The following BLM variants were observed in gnomAD, a reference collection of about 807,000 sequenced individuals.
The protein encoded by BLM is recQ-like DNA helicase BLM.
In BLM, 95 loss-of-function variants were observed where a neutral mutation model predicts 135.3. The observed-to-expected ratio is 0.70, with a 90% CI of 0.59 to 0.83. The LOEUF (loss-of-function observed/expected upper bound fraction) is 0.83, where lower values mean the gene tolerates loss of function less well. Ranked by LOEUF, BLM falls within the 40% of genes least tolerant of loss-of-function variation. The pLI, the probability that BLM is intolerant of heterozygous loss-of-function variation, is 0.00. For missense variants in BLM, 1,518 were observed against 1,663.9 expected (o/e 0.91, Z 1.53); for synonymous variants, 520 against 589.2 (o/e 0.88, Z 1.70).
intron 19 of BLM, among the ~76,000 whole-genome samples, chr15:90,807,614 G>T (rs1897313266): frequency 6.6e-6 from 1 of 151,976 alleles, no homozygotes; most frequent in Non-Finnish European, 1.5e-5. Context: ...ACCCAGACTG[G>T]TCTCATACTC....
chr15:90,726,903 A>G (rs1393962113), intron 1 of BLM, among the ~76,000 whole-genome samples: 1 of 152,094 alleles, frequency 6.6e-6, no homozygotes, highest in African/African-American at 2.4e-5. Context: ...GGGGGTGCAG[A>G]TGTCTCTTTG....
intron 1 of BLM, among the ~76,000 whole-genome samples, chr15:90,722,092 C>T (rs1894783185): frequency 6.6e-6 from 1 of 151,928 alleles, no homozygotes; most frequent in African/African-American, 2.4e-5. Flanking sequence ...CGAGACCAGC[C>T]TGGCCAACAG....
chr15:90,759,701 G>A (rs1462648048), intron 5 of BLM, among the ~76,000 whole-genome samples: 1 of 151,990 alleles, frequency 6.6e-6, no homozygotes, highest in East Asian at 1.9e-4. Context: ...CCACCTCCCA[G>A]GTTCAAGCGA....
At chr15:90,754,780 A>G (rs1481597282) in intron 4 of BLM, 31 bp from the exon 5 acceptor site, 5 of 1,608,582 alleles carry the variant, frequency 3.1e-6, no homozygotes, top group Admixed American at 1.7e-5. Flanking sequence ...AGCCTATAGT[A>G]TGATTGGCTT....
chr15:90,793,981 C>A, intron 15 of BLM, 186 bp from the exon 16 acceptor site: 1 of 388,642 alleles, frequency 2.6e-6, no homozygotes, highest in Non-Finnish European at 4.6e-6. Flanking sequence ...TCCTATAGTA[C>A]TAAAATCTTG....
intron 1 of BLM, among the ~76,000 whole-genome samples, chr15:90,741,342 G>T (rs28364265): frequency 6.6e-6 from 1 of 151,932 alleles, no homozygotes; most frequent in Non-Finnish European, 1.5e-5. Context: ...TGTCCATATG[G>T]TACACTGATA....
At chr15:90,735,751 G>T (rs900673471) in intron 1 of BLM, among the ~76,000 whole-genome samples, 2 of 151,966 alleles carry the variant, frequency 1.3e-5, no homozygotes, top group African/African-American at 4.8e-5. Context: ...CTGTAACCTG[G>T]ATGTGGAGAA....
intron 9 of BLM, among the ~76,000 whole-genome samples, chr15:90,766,315 G>A (rs758935126): frequency 1.3e-5 from 2 of 151,974 alleles, no homozygotes; most frequent in Non-Finnish European, 2.9e-5. Context: ...CATACAGTAG[G>A]ACTGGAATAT....
At chr15:90,767,316 C>T (rs765439736) in intron 10 of BLM, among the ~76,000 whole-genome samples, 1 of 152,138 alleles carries the variant, frequency 6.6e-6, no homozygotes, top group Non-Finnish European at 1.5e-5. Flanking sequence ...GTACAATGAT[C>T]AAAATTAGGA....
Position 90,803,583 on chromosome 15 carries a change from A to T in BLM, c.3421A>T (p.Asn1141Tyr). The part of the protein sequence containing the change: ...FGKGSAYSRH[N>Y]AERLFKKLIL... ...AAAAGGATCTGCTTATTCACGACAC[A>T]ATGCCGAAAGACTTTTTAAAAAGCT... The change falls in exon 18 of 22, where the codon AAT becomes TAT. Residue 1141 changes from asparagine (N) to tyrosine (Y), a missense_variant. Physicochemically the swap from Asn to Tyr is moderately radical, Grantham distance 143. Coordinates refer to ENST00000355112, the MANE Select transcript of BLM (RefSeq NM_000057.4). 1 of 1,613,996 alleles carries T rather than the reference A, an allele frequency of 6.2e-7. No homozygotes were observed. The highest frequency in any genetic ancestry group is 8.5e-7 in the Non-Finnish European group (1 of 1,179,868).
At chr15:90,723,662 AT>A (rs1039981778) in intron 1 of BLM, among the ~76,000 whole-genome samples, 1 of 152,028 alleles carries the variant, frequency 6.6e-6, no homozygotes, top group African/African-American at 2.4e-5. Flanking sequence ...CTAAAAAAAA[AT>A]TTTTTTAAAT....
intron 9 of BLM, 138 bp downstream of exon 9, chr15:90,765,552 T>C: frequency 1.4e-6 from 1 of 696,238 alleles, no homozygotes. Context: ...AACAGAAGTC[T>C]GAAAATTTGA....
At chr15:90,769,851 CT>C (rs1377538067) in intron 12 of BLM, among the ~76,000 whole-genome samples, 2 of 152,132 alleles carry the variant, frequency 1.3e-5, no homozygotes, top group African/African-American at 4.8e-5. Context: ...GAAATTAAAA[CT>C]CCTTTTCAGT....
At chr15:90,788,472 T>G (rs11634238) in intron 14 of BLM, among the ~76,000 whole-genome samples, 1 of 23,108 alleles carries the variant, frequency 4.3e-5, no homozygotes, top group Non-Finnish European at 1.0e-4. Context: ...CAGTGTTTTG[T>G]TTTTTTTTTT....
intron 16 of BLM, among the ~76,000 whole-genome samples, chr15:90,795,594 C>A (rs1897011123): frequency 6.6e-6 from 1 of 152,152 alleles, no homozygotes; most frequent in African/African-American, 2.4e-5. Context: ...CATCTCCTCC[C>A]ACCCCACCCC....
chr15:90,765,257 A>G, intron 8 of BLM, 39 bp from the exon 9 acceptor site: 2 of 1,454,680 alleles, frequency 1.4e-6, no homozygotes, highest in Non-Finnish European at 1.9e-6. Context: ...TGCTCTGAAG[A>G]CAGAACCTGA....
chr15:90,798,418 A>G, intron 17 of BLM, 81 bp downstream of exon 17: 4 of 1,452,528 alleles, frequency 2.8e-6, no homozygotes, highest in South Asian at 2.5e-5. Context: ...ACATAGAAAA[A>G]CTTTTTGTCT....
intron 4 of BLM, among the ~76,000 whole-genome samples, chr15:90,754,096 T>C (rs1895755207): frequency 6.6e-6 from 1 of 152,204 alleles, no homozygotes; most frequent in African/African-American, 2.4e-5. Context: ...TTCCCCATAC[T>C]TGTCATTCAG....
chr15:90,754,713 G>C, intron 4 of BLM, 98 bp from the exon 5 acceptor site: 1 of 1,290,356 alleles, frequency 7.7e-7, no homozygotes, highest in Non-Finnish European at 1.1e-6. Context: ...GTTATATATT[G>C]TCTGATCAGT....
Sources: allele counts gnomAD v4.1 joint callset (sites outside exome capture counted in the v4.1 genomes callset), GRCh38; gene constraint gnomAD v4.1.1; transcripts MANE v1.5; gene names NCBI Gene and HGNC (gene_info 2026-07-23, HGNC 2026-07-21).